The following TMEM132D variants were observed in gnomAD, a reference collection of about 807,000 sequenced individuals.
TMEM132D encodes mature OL transmembrane protein.
A neutral mutation model predicts 62.3 loss-of-function variants in TMEM132D; 21 were observed. The ratio of observed to expected loss-of-function variants is 0.34; its 90% CI spans 0.24 to 0.49. The LOEUF (loss-of-function observed/expected upper bound fraction) is 0.49. Among genes scored for constraint, TMEM132D ranks in the 20% least tolerant of loss-of-function variants. The probability of loss-of-function intolerance (pLI) is 0.99; values close to 1 mark genes in which losing one functional copy is unlikely to be tolerated. For missense variants in TMEM132D, 1,346 were observed against 1,402.8 expected (o/e 0.96, Z 0.65); for synonymous variants, 621 against 575.6 (o/e 1.08, Z -1.13).
At chr12:129,601,720 C>T (rs79200909) in intron 2 of TMEM132D, among the ~76,000 whole-genome samples, 1 of 151,730 alleles carries the variant, frequency 6.6e-6, no homozygotes, top group South Asian at 2.1e-4. Context: ...AGAACACACA[C>T]ATTTATAAAT....
intron 3 of TMEM132D, among the ~76,000 whole-genome samples, chr12:129,505,846 G>T (rs562044425): frequency 6.6e-6 from 1 of 151,966 alleles, no homozygotes; most frequent in African/African-American, 2.4e-5. Context: ...AACTACTCCC[G>T]CTTGCTTTTG....
At chr12:129,526,968 G>GA (rs1281260600) in intron 3 of TMEM132D, among the ~76,000 whole-genome samples, 2 of 152,230 alleles carry the variant, frequency 1.3e-5, no homozygotes, top group Admixed American at 1.3e-4. Context: ...ATGTGAGAAA[G>GA]AAAAAACTTC....
intron 5 of TMEM132D, among the ~76,000 whole-genome samples, chr12:129,189,736 A>G (rs1033043745): frequency 1.3e-5 from 2 of 152,152 alleles, no homozygotes; most frequent in African/African-American, 2.4e-5. Context: ...AAGAGAAGCA[A>G]GTCTGGTCTG....
chr12:129,755,135 C>G (rs1870123642), intron 1 of TMEM132D, among the ~76,000 whole-genome samples: 1 of 152,222 alleles, frequency 6.6e-6, no homozygotes, highest in Non-Finnish European at 1.5e-5. Flanking sequence ...AGTTCACACA[C>G]AGTGAAGCCA....
At chr12:129,581,001 C>A (rs1170455691) in intron 2 of TMEM132D, among the ~76,000 whole-genome samples, 3 of 152,196 alleles carry the variant, frequency 2.0e-5, no homozygotes, top group Non-Finnish European at 4.4e-5. Context: ...CTATATCTGA[C>A]CCTCCAAACT....
At chr12:129,863,652 T>C (rs1043093779) in intron 1 of TMEM132D, among the ~76,000 whole-genome samples, 5 of 152,130 alleles carry the variant, frequency 3.3e-5, no homozygotes, top group African/African-American at 1.2e-4. Context: ...TTCAAAAACA[T>C]TGGGATTGGG....
At chr12:129,806,445 A>C (rs1174965217) in intron 1 of TMEM132D, among the ~76,000 whole-genome samples, 1 of 133,906 alleles carries the variant, frequency 7.5e-6, no homozygotes, top group East Asian at 2.3e-4. Context: ...TCGCAAGAAC[A>C]AAAAACCAAA....
At chr12:129,364,425 G>A (rs1167556844) in intron 3 of TMEM132D, among the ~76,000 whole-genome samples, 1 of 152,230 alleles carries the variant, frequency 6.6e-6, no homozygotes, top group Non-Finnish European at 1.5e-5. Context: ...AGCACTCGCA[G>A]TGTTGATGAA....
chr12:129,260,810 C>T (rs1010625378), intron 4 of TMEM132D, among the ~76,000 whole-genome samples: 5 of 149,222 alleles, frequency 3.4e-5, no homozygotes, highest in South Asian at 2.1e-4. Flanking sequence ...ATAATGGCCT[C>T]CAGCTCCATC....
intron 5 of TMEM132D, among the ~76,000 whole-genome samples, chr12:129,145,551 T>C (rs527277086): frequency 3.3e-5 from 5 of 152,112 alleles, no homozygotes; most frequent in African/African-American, 9.6e-5. Flanking sequence ...CAGGCGATGA[T>C]CCCAAATCTC....
At chr12:129,344,797 T>C (rs1436386366) in intron 3 of TMEM132D, among the ~76,000 whole-genome samples, 2 of 152,088 alleles carry the variant, frequency 1.3e-5, no homozygotes, top group African/African-American at 4.8e-5. Context: ...TAACTTACTC[T>C]TTTCCTACGT....
Position 129,071,751 on chromosome 12 carries a change from ACAGT to A in TMEM132D, c.*2120_*2123del, listed in dbSNP as rs1163861213. On this transcript the variant is annotated 3_prime_UTR_variant, in exon 9 of 9. Transcript: ENST00000422113. Reference sequence around the variant, plus strand: ...GCCACTGAATGCAAACTTTATATTTACAGTCAGTAAGTTTATAAATATATATTAC... The same window carrying A: ...GCCACTGAATGCAAACTTTATATTTACAGTAAGTTTATAAATATATATTAC... 3 of 152,294 alleles carry A rather than the reference ACAGT, an allele frequency of 2.0e-5. No homozygotes were observed. The highest frequency in any genetic ancestry group is 6.5e-5 in the Admixed American group (1 of 15,278). The allele number at this position is 152,294 out of a possible 1,614,324, so 9.4% of individuals were successfully genotyped here.
intron 1 of TMEM132D, among the ~76,000 whole-genome samples, chr12:129,780,050 C>A (rs1871071121): frequency 1.3e-5 from 2 of 152,014 alleles, no homozygotes. Context: ...CGACTCCACA[C>A]CCTGAAGCTA....
At chr12:129,395,773 T>C (rs553805245) in intron 3 of TMEM132D, among the ~76,000 whole-genome samples, 2 of 148,534 alleles carry the variant, frequency 1.3e-5, no homozygotes, top group Admixed American at 1.4e-4. Flanking sequence ...TATATCTATA[T>C]ACTAATCTAT....
At chr12:129,113,918 C>T (rs1875803483) in intron 5 of TMEM132D, among the ~76,000 whole-genome samples, 1 of 152,000 alleles carries the variant, frequency 6.6e-6, no homozygotes, top group Admixed American at 6.5e-5. Flanking sequence ...GAGACTCTCC[C>T]AGCTGGGTAG....
chr12:129,181,617 C>T (rs550857383), intron 5 of TMEM132D, among the ~76,000 whole-genome samples: 1 of 152,312 alleles, frequency 6.6e-6, no homozygotes, highest in South Asian at 2.1e-4. Context: ...ACCTCATCTC[C>T]TTTTGAGGCC....
At chr12:129,418,545 C>T (rs1345111655) in intron 3 of TMEM132D, among the ~76,000 whole-genome samples, 1 of 151,920 alleles carries the variant, frequency 6.6e-6, no homozygotes, top group Non-Finnish European at 1.5e-5. Flanking sequence ...GAACATCACA[C>T]ACCGGGGCCT....
chr12:129,235,723 G>C (rs1162403472), intron 4 of TMEM132D, among the ~76,000 whole-genome samples: 1 of 152,034 alleles, frequency 6.6e-6, no homozygotes, highest in East Asian at 1.9e-4. Context: ...GGAATTGCTG[G>C]GTCATATGGA....
At chr12:129,252,959 G>A (rs186431605) in intron 4 of TMEM132D, among the ~76,000 whole-genome samples, 258 of 148,240 alleles carry the variant, frequency 1.7e-3, no homozygotes, top group African/African-American at 6.1e-3. Context: ...ACCAAACACC[G>A]CAAGTTCTCA....
Sources: allele counts gnomAD v4.1 joint callset (sites outside exome capture counted in the v4.1 genomes callset), GRCh38; gene constraint gnomAD v4.1.1; transcripts MANE v1.5; gene names NCBI Gene and HGNC (gene_info 2026-07-23, HGNC 2026-07-21).